TRIT1: variants seen among roughly 807,000 people sequenced by gnomAD.
TRIT1 encodes tRNA isopentenyltransferase 1, also known as tRNA dimethylallyltransferase.
In TRIT1, 43 loss-of-function variants were observed where a neutral mutation model predicts 51.2. That is an observed-to-expected ratio of 0.84 (90% confidence interval 0.66 to 1.08). The LOEUF (loss-of-function observed/expected upper bound fraction) is 1.08, where lower values mean the gene tolerates loss of function less well. TRIT1 is among the 50% of genes least tolerant of loss of function. The pLI is 0.00. For missense variants in TRIT1, 528 were observed against 578.4 expected (o/e 0.91, Z 0.89); for synonymous variants, 184 against 203.9 (o/e 0.90, Z 0.83).
At position 39,840,595 on chromosome 1, in the gene TRIT1, AG is replaced by A. The variant is rs1485473605; in HGVS notation, c.*1148del. 6.6e-6 allele frequency among the ~76,000 whole-genome samples: 1 copy of A among 152,192 alleles called. No individual in the cohort carries two copies. The highest frequency in any genetic ancestry group is 1.5e-5 in the Non-Finnish European group (1 of 68,046). ...CTCTGCATTCCCTTTAGCCTAATTC[AG>A]GGCCTCTCATAGAGTAGATTCTGCA... is the stretch of plus-strand genomic sequence containing the variant. On this transcript the variant is annotated 3_prime_UTR_variant, in exon 11 of 11. Transcript: ENST00000316891.
At chr1:39,855,283 G>A (rs754090186) in intron 2 of TRIT1, among the ~76,000 whole-genome samples, 17 of 152,132 alleles carry the variant, frequency 1.1e-4, no homozygotes, top group African/African-American at 2.7e-4. Flanking sequence ...ACCCTTAAGC[G>A]GCTAAGGCAG....
At chr1:39,879,933 T>C (rs2124692482) in intron 1 of TRIT1, among the ~76,000 whole-genome samples, 1 of 149,620 alleles carries the variant, frequency 6.7e-6, no homozygotes. Flanking sequence ...TCCCAGCATT[T>C]TGGGAGGTTG....
At chr1:39,852,942 A>G (rs1642672549) in intron 3 of TRIT1, 66 bp from the exon 4 acceptor site, 1 of 1,530,360 alleles carries the variant, frequency 6.5e-7, no homozygotes, top group Non-Finnish European at 8.9e-7. Flanking sequence ...TGTGCCAGGC[A>G]CTTTGCTAAC....
chr1:39,857,566 A>C lies in TRIT1; in HGVS notation c.175-149T>G, dbSNP rs1042196232. The C allele has an allele frequency of 2.5e-5, 20 of 800,988 alleles. No individual in the cohort carries two copies. The Admixed American group carries it at 5.1e-4, about 21-fold the overall frequency. The allele number at this position is 800,988 out of a possible 1,614,324, so 49.6% of individuals were successfully genotyped here. ...GTAGATGTATTCTAACAAACAGCAC[A>C]GCCAGATCCACGAAACCCAAAACAA... On this transcript the variant is annotated intron_variant, in intron 1 of 10. Coordinates refer to ENST00000316891, the MANE Select transcript of TRIT1 (RefSeq NM_017646.6).
rs1340717898 is a variant in TRIT1 at position 39,839,397 on chromosome 1, A to G, written c.*2347T>C. Among the ~76,000 whole-genome samples the G allele has an allele frequency of 1.3e-5, 2 of 152,206 alleles. No homozygotes were observed. Among genetic ancestry groups the G allele is most frequent in the African/African-American group, 4.8e-5 (2 of 41,460 alleles). On this transcript the variant is annotated 3_prime_UTR_variant, in exon 11 of 11. Coordinates refer to ENST00000316891, the MANE Select transcript of TRIT1 (RefSeq NM_017646.6). Reference sequence around the variant, plus strand: ...GCCTTGCTCTGTGACTGGAACATCCATGTTTTAGGCCTCAGTTTCCCCATC... The same window carrying G: ...GCCTTGCTCTGTGACTGGAACATCCGTGTTTTAGGCCTCAGTTTCCCCATC...
chr1:39,849,447 C>T (rs894237134), intron 5 of TRIT1, among the ~76,000 whole-genome samples: 1 of 152,084 alleles, frequency 6.6e-6, no homozygotes, highest in Non-Finnish European at 1.5e-5. Flanking sequence ...GTCTCTGACT[C>T]CCCCCAAGAT....
intron 1 of TRIT1, among the ~76,000 whole-genome samples, chr1:39,860,758 A>G (rs1219865295): frequency 6.6e-6 from 1 of 152,130 alleles, no homozygotes; most frequent in Non-Finnish European, 1.5e-5. Context: ...CTTTCTTTAT[A>G]TGTTGGGAAA....
intron 3 of TRIT1, among the ~76,000 whole-genome samples, chr1:39,853,342 G>A (rs1183797264): frequency 1.4e-5 from 2 of 145,610 alleles, no homozygotes; most frequent in Non-Finnish European, 3.0e-5. Flanking sequence ...CTAACGTACT[G>A]GGTTTTTTTT....
intron 5 of TRIT1, among the ~76,000 whole-genome samples, chr1:39,849,554 A>C (rs1193384171): frequency 6.6e-6 from 1 of 152,194 alleles, no homozygotes; most frequent in Non-Finnish European, 1.5e-5. Flanking sequence ...GATAGTATCT[A>C]TCTCCTTGTC....
chr1:39,842,725 G>A (rs3768310), intron 10 of TRIT1, among the ~76,000 whole-genome samples: 69,595 of 152,024 alleles, frequency 0.46, 16,448 homozygotes, highest in East Asian at 0.6. Context: ...TGAAAGAGAT[G>A]GACAACTAGT....
chr1:39,882,759 T>C (rs1644303591), intron 1 of TRIT1, among the ~76,000 whole-genome samples: 1 of 152,200 alleles, frequency 6.6e-6, no homozygotes, highest in African/African-American at 2.4e-5. Flanking sequence ...CACAGATATA[T>C]AAAATAACGT....
chr1:39,860,906 C>T (rs1422744071), intron 1 of TRIT1, among the ~76,000 whole-genome samples: 3 of 152,048 alleles, frequency 2.0e-5, no homozygotes, highest in South Asian at 2.1e-4. Context: ...GGTGAAACCC[C>T]GTCTCTATTA....
rs535175763 is a variant in TRIT1 at position 39,865,896 on chromosome 1, G to C, written c.175-8479C>G. Among the ~76,000 whole-genome samples, 38 of 126,594 alleles carry C rather than the reference G, an allele frequency of 3.0e-4. No individual in the cohort carries two copies. In the South Asian group the frequency reaches 9.3e-3, roughly 31 times the overall value. The allele number at this position is 126,594 out of a possible 152,430, so 83.1% of individuals were successfully genotyped here. A position where few individuals can be genotyped will look rare whatever the true frequency, so the allele number is the denominator to read the frequency against. ...GGAAAGAAGAGAGTGATAAAGGAAA[G>C]AAAAGAAAAAGAAAGGAAGGAAGGG... On this transcript the variant is annotated intron_variant, in intron 1 of 10. Transcript: ENST00000316891.
intron 2 of TRIT1, 134 bp downstream of exon 2, chr1:39,857,143 T>C: frequency 3.0e-6 from 3 of 985,338 alleles, no homozygotes; most frequent in South Asian, 1.8e-5. Context: ...CATAGTCTGA[T>C]GGGGATGGCA....
chr1:39,862,759 A>G (rs988866483), intron 1 of TRIT1: 1 of 985,078 alleles, frequency 1.0e-6, no homozygotes, highest in Non-Finnish European at 1.2e-6. Flanking sequence ...TTCACATGTG[A>G]GATTTGTAGC....
At chr1:39,853,562 A>G (rs571367293) in intron 3 of TRIT1, among the ~76,000 whole-genome samples, 2 of 151,988 alleles carry the variant, frequency 1.3e-5, no homozygotes, top group Admixed American at 1.3e-4. Context: ...TGCCTGGCTA[A>G]TTTTTGTATT....
intron 1 of TRIT1, among the ~76,000 whole-genome samples, chr1:39,876,342 T>A (rs1299669928): frequency 1.3e-5 from 2 of 152,190 alleles, no homozygotes; most frequent in African/African-American, 4.8e-5. Context: ...TATGGTTTCC[T>A]GTTTGGCCAG....
At chr1:39,847,790 T>C in intron 6 of TRIT1, 130 bp from the exon 7 acceptor site, 2 of 1,523,314 alleles carry the variant, frequency 1.3e-6, no homozygotes, top group African/African-American at 1.4e-5. Flanking sequence ...TTACTGATTC[T>C]CTGAAATTTT....
chr1:39,838,175 T>G lies in TRIT1; in HGVS notation c.*3569A>C. ...CAGCTTCCTTTGTAAGCATTCAGAG[T>G]AGCTTTACAAATAACCAGTTAGCCA... On this transcript the variant is annotated 3_prime_UTR_variant, in exon 11 of 11. Transcript: ENST00000316891. 6.6e-6 allele frequency among the ~76,000 whole-genome samples: 1 copy of G among 152,204 alleles called. No individual in the cohort carries two copies. Among genetic ancestry groups the G allele is most frequent in the South Asian group, 2.1e-4 (1 of 4,832 alleles).
Sources: gnomAD v4.1 joint callset for allele counts (sites outside exome capture counted in the v4.1 genomes callset) on GRCh38, gnomAD v4.1.1 for gene constraint, MANE v1.5 for transcripts, NCBI Gene and HGNC (gene_info 2026-07-23, HGNC 2026-07-21) for gene names.